Variants in GABRG3 observed in about 807,000 individuals in gnomAD.
The protein encoded by GABRG3 is gamma-aminobutyric acid type A receptor subunit gamma3, also known as gamma-aminobutyric acid receptor subunit gamma-3.
In GABRG3, 25 loss-of-function variants were observed where a neutral mutation model predicts 48.8. That is an observed-to-expected ratio of 0.51 (90% confidence interval 0.37 to 0.72). The LOEUF (loss-of-function observed/expected upper bound fraction) is 0.72, where lower values mean the gene tolerates loss of function less well. Ranked by LOEUF, GABRG3 falls within the 30% of genes least tolerant of loss-of-function variation. The probability of loss-of-function intolerance (pLI) is 0.00; values close to 1 mark genes in which losing one functional copy is unlikely to be tolerated. For synonymous variants in GABRG3, 227 were observed against 217.6 expected, an observed-to-expected ratio of 1.04 and a Z score of -0.38; for missense variants, 394 against 577.9, an observed-to-expected ratio of 0.68 and a Z score of 3.26.
intron 3 of GABRG3, among the ~76,000 whole-genome samples, chr15:27,070,346 T>G (rs754219509): frequency 6.6e-6 from 1 of 152,236 alleles, no homozygotes; most frequent in Non-Finnish European, 1.5e-5. Flanking sequence ...TATGACCATA[T>G]GCCAAGTTGA....
chr15:27,136,365 AT>A (rs991396249), intron 3 of GABRG3, among the ~76,000 whole-genome samples: 2 of 152,140 alleles, frequency 1.3e-5, no homozygotes, highest in African/African-American at 2.4e-5. Context: ...TTTTCAAGAG[AT>A]TTTTTTGACT....
At chr15:27,502,922 C>A (rs916698566) in intron 6 of GABRG3, among the ~76,000 whole-genome samples, 8 of 152,208 alleles carry the variant, frequency 5.3e-5, no homozygotes, top group African/African-American at 1.9e-4. Flanking sequence ...CGTTCCTGTT[C>A]CTGCCAGCCT....
At chr15:27,361,952 TTTTA>T (rs143404747) in intron 5 of GABRG3, among the ~76,000 whole-genome samples, 3,079 of 152,316 alleles carry the variant, frequency 0.02, 65 homozygotes, top group South Asian at 0.052. Context: ...TAAACCTCCT[TTTTA>T]TTCACTTTTG....
intron 3 of GABRG3, among the ~76,000 whole-genome samples, chr15:27,285,271 GTGT>G (rs1204544394): frequency 7.5e-5 from 9 of 119,806 alleles, no homozygotes; most frequent in African/African-American, 4.8e-4. Context: ...GTGTGTGTGT[GTGT>G]GTGTGTGTGT....
In GABRG3 at chr15:27,308,368, T is replaced by TAATATAAACATACGTTTATATATAAAC. The variant is rs1183767134; in HGVS notation, c.271-18440_271-18439insATATAAACATACGTTTATATATAAACA. Among the ~76,000 whole-genome samples, 4 of 144,250 alleles carry TAATATAAACATACGTTTATATATAAAC rather than the reference T, an allele frequency of 2.8e-5. 1 individual carries two copies. The highest frequency in any genetic ancestry group is 7.0e-5 in the Admixed American group (1 of 14,356). 94.6% of individuals were successfully genotyped at this position (144,250 alleles called of 152,430 possible). A position where few individuals can be genotyped will look rare whatever the true frequency, so the allele number is the denominator to read the frequency against. On this transcript the variant is annotated intron_variant, in intron 3 of 9. Coordinates refer to ENST00000615808, the MANE Select transcript of GABRG3 (RefSeq NM_033223.5). ...ATAAACATACGTTTATATATAAACA[T>TAATATAAACATACGTTTATATATAAAC]ATAAACATTTGTTTATATATAAACA...
At chr15:27,053,687 C>T (rs1896491963) in intron 3 of GABRG3, among the ~76,000 whole-genome samples, 1 of 152,144 alleles carries the variant, frequency 6.6e-6, no homozygotes, top group Non-Finnish European at 1.5e-5. Flanking sequence ...GTTCACTGCA[C>T]CACTATTCAC....
chr15:27,049,904 T>C (rs1012607768), intron 3 of GABRG3, among the ~76,000 whole-genome samples: 1 of 152,220 alleles, frequency 6.6e-6, no homozygotes, highest in African/African-American at 2.4e-5. Context: ...TTTGTATTTG[T>C]TAAACCCTCT....
intron 5 of GABRG3, among the ~76,000 whole-genome samples, chr15:27,388,748 A>G (rs2140574142): frequency 6.6e-6 from 1 of 152,222 alleles, no homozygotes; most frequent in Non-Finnish European, 1.5e-5. Flanking sequence ...TGCACCAACT[A>G]AATACCATGG....
chr15:27,074,129 T>G (rs1208744408), intron 3 of GABRG3, among the ~76,000 whole-genome samples: 2 of 152,056 alleles, frequency 1.3e-5, no homozygotes, highest in Non-Finnish European at 2.9e-5. Flanking sequence ...AGACTTAATT[T>G]ACTACCAGGA....
chr15:26,992,772 G>A (rs1437081198), intron 2 of GABRG3, among the ~76,000 whole-genome samples: 2 of 152,112 alleles, frequency 1.3e-5, no homozygotes, highest in Admixed American at 1.3e-4. Context: ...TTTAGGAACA[G>A]TTTGAGTAGG....
In GABRG3 at chr15:27,179,570, G is replaced by T. The variant is rs1206306195; in HGVS notation, c.271-147239G>T. ...AAAACTTTAAGCAAGAACTACCCAA[G>T]TGAGCAGTTTCCAGTTTCAAATTGT... On this transcript the variant is annotated intron_variant, in intron 3 of 9. Coordinates refer to ENST00000615808, the MANE Select transcript of GABRG3 (RefSeq NM_033223.5). This position sits in a 1 kb window ranked among gnomAD's most constrained non-coding sequence, Gnocchi z 4.0. 2.6e-5 allele frequency among the ~76,000 whole-genome samples: 4 copies of T among 152,168 alleles called. No individual in the cohort carries two copies. The highest frequency in any genetic ancestry group is 5.9e-5 in the Non-Finnish European group (4 of 68,026).
At chr15:27,391,025 T>G (rs550267530) in intron 5 of GABRG3, among the ~76,000 whole-genome samples, 138 of 151,348 alleles carry the variant, frequency 9.1e-4, no homozygotes, top group African/African-American at 3.2e-3. Flanking sequence ...GAGACAGGAG[T>G]TGCGGTGAGC....
At chr15:26,993,171 T>C (rs1361196069) in intron 2 of GABRG3, among the ~76,000 whole-genome samples, 1 of 152,098 alleles carries the variant, frequency 6.6e-6, no homozygotes, top group Non-Finnish European at 1.5e-5. Flanking sequence ...TTTTGTTTCA[T>C]TGATCTTTTG....
chr15:27,006,108 C>G (rs1895578787), intron 2 of GABRG3, among the ~76,000 whole-genome samples: 1 of 152,032 alleles, frequency 6.6e-6, no homozygotes, highest in African/African-American at 2.4e-5. Flanking sequence ...TGGACTTTAT[C>G]TAGACATATA....
At chr15:27,255,481 A>G (rs1193161324) in intron 3 of GABRG3, among the ~76,000 whole-genome samples, 2 of 152,212 alleles carry the variant, frequency 1.3e-5, no homozygotes, top group Non-Finnish European at 2.9e-5. Context: ...GACAAAACGG[A>G]ACTAAATAGG....
rs145197118 is a variant in GABRG3, at chr15:27,313,198, A to G, written c.271-13611A>G. On this transcript the variant is annotated intron_variant, in intron 3 of 9. Transcript: ENST00000615808. Reference sequence around the variant, plus strand: ...CAGAAACATATATATATATATGTGTATATATATATATGTATATGTATATAT... The same window carrying G: ...CAGAAACATATATATATATATGTGTGTATATATATATGTATATGTATATAT... 5.2e-3 allele frequency among the ~76,000 whole-genome samples: 702 copies of G among 134,602 alleles called. 26 individuals are homozygous for G. In the East Asian group the frequency reaches 0.08, roughly 15 times the overall value. The allele number at this position is 134,602 out of a possible 152,430, so 88.3% of individuals were successfully genotyped here.
chr15:27,278,435 G>A (rs1566991093), intron 3 of GABRG3, among the ~76,000 whole-genome samples: 1 of 152,134 alleles, frequency 6.6e-6, no homozygotes, highest in Non-Finnish European at 1.5e-5. Context: ...AAGGATCTCA[G>A]GAAGAATATG....
chr15:27,293,221 A>G (rs983619516), intron 3 of GABRG3, among the ~76,000 whole-genome samples: 3 of 152,228 alleles, frequency 2.0e-5, no homozygotes, highest in African/African-American at 7.2e-5. Context: ...GTAAGTAGAA[A>G]TTGGAGAAGT....
At chr15:27,264,647 A>T (rs1420858949) in intron 3 of GABRG3, among the ~76,000 whole-genome samples, 3 of 151,874 alleles carry the variant, frequency 2.0e-5, no homozygotes, top group African/African-American at 7.3e-5. Context: ...AATACTCCTA[A>T]CTACTAAAAC....
Sources: gnomAD v4.1 joint callset for allele counts (sites outside exome capture counted in the v4.1 genomes callset) on GRCh38, gnomAD v4.1.1 for gene constraint, Gnocchi (gnomAD v3.1) non-coding constraint, MANE v1.5 for transcripts, NCBI Gene and HGNC (gene_info 2026-07-23, HGNC 2026-07-21) for gene names.